GDAP1: variants seen among roughly 807,000 people sequenced by gnomAD.
GDAP1 encodes ganglioside induced differentiation associated protein 1, also known as ganglioside-induced differentiation-associated protein 1.
Under a neutral mutation model 40.1 loss-of-function variants are expected in GDAP1, and 34 were observed. The observed-to-expected ratio is 0.85, with a 90% CI of 0.64 to 1.13. GDAP1 has a LOEUF of 1.13. Ranked by LOEUF, GDAP1 falls within the 50% of genes most tolerant of loss-of-function variation. GDAP1 has a pLI of 0.00. For synonymous variants in GDAP1, 170 were observed against 157.4 expected (o/e 1.08, Z -0.60); for missense variants, 374 against 433.7 (o/e 0.86, Z 1.22).
chr8:74,364,441 G>C lies in GDAP1; in HGVS notation c.*74G>C. ...CCTGTGATTGCCCGTGGCTCTCTGA[G>C]TCTGTCTTATTGAGTAGTTAGCAGT... is the stretch of plus-strand genomic sequence containing the variant. On this transcript the variant is annotated 3_prime_UTR_variant, in exon 6 of 6. Transcript: ENST00000220822. The C allele has an allele frequency of 7.0e-7, 1 of 1,437,618 alleles. No homozygotes were observed. Among genetic ancestry groups the C allele is most frequent in the South Asian group, 1.1e-5 (1 of 87,440 alleles). 89.1% of individuals were successfully genotyped at this position (1,437,618 alleles called of 1,614,324 possible).
intron 2 of GDAP1, among the ~76,000 whole-genome samples, chr8:74,478,500 G>T (rs1317392737): frequency 1.3e-5 from 2 of 152,096 alleles, no homozygotes; most frequent in Non-Finnish European, 2.9e-5. Context: ...CTACCTGGAG[G>T]CTGCACCGCA....
chr8:74,374,314 A>G lies in GDAP1; in HGVS notation c.165+22993A>G, dbSNP rs113827363. 4.8e-3 allele frequency among the ~76,000 whole-genome samples: 729 copies of G among 152,300 alleles called. 6 individuals carry two copies. Among genetic ancestry groups the G allele is most frequent in the African/African-American group, 0.015 (635 of 41,554 alleles). On this transcript the variant is annotated intron_variant, in intron 2 of 2. Transcript: ENST00000523640. ...ATTCCCTTGTTTTCTATTGATTGGA[A>G]TAGTTTCAGAAGGAATGGTACCAGC...
At chr8:74,373,307 A>G (rs1809788189) in intron 2 of GDAP1, among the ~76,000 whole-genome samples, 2 of 152,224 alleles carry the variant, frequency 1.3e-5, no homozygotes, top group South Asian at 2.1e-4. Flanking sequence ...GTCATTGGTA[A>G]CTTGATGGGG....
chr8:74,411,512 A>G (rs1805709316), intron 2 of GDAP1, among the ~76,000 whole-genome samples: 1 of 140,894 alleles, frequency 7.1e-6, no homozygotes, highest in Non-Finnish European at 1.5e-5. Context: ...AGTATTTACT[A>G]TTTATTAAGC....
At chr8:74,367,260 T>A (rs937003288), downstream of GDAP1, among the ~76,000 whole-genome samples, 2 of 152,192 alleles carry the variant, frequency 1.3e-5, no homozygotes, top group East Asian at 3.8e-4. Flanking sequence ...TACTCATATT[T>A]ATGTATATTT....
intron 2 of GDAP1, among the ~76,000 whole-genome samples, chr8:74,378,933 G>A (rs62524069): frequency 0.27 from 40,902 of 152,058 alleles, 6,103 homozygotes; most frequent in Non-Finnish European, 0.34. Flanking sequence ...GGTTCTAGAA[G>A]TGGGCTTAGG....
In GDAP1 at chr8:74,366,042, A is replaced by G; in HGVS notation, c.*1675A>G. 4.4e-6 allele frequency: 2 copies of G among 449,616 alleles called. No individual in the cohort carries two copies. The highest frequency in any genetic ancestry group is 8.9e-6 in the Non-Finnish European group (2 of 225,664). 27.9% of individuals were successfully genotyped at this position (449,616 alleles called of 1,614,324 possible). On this transcript the variant is annotated 3_prime_UTR_variant, in exon 6 of 6. Coordinates refer to ENST00000220822, the MANE Select transcript of GDAP1 (RefSeq NM_018972.4). ...GAAGAAATAAGAATTGGATTTTTAT[A>G]AAAACCTCTGAAGGATATTTACCTA...
intron 2 of GDAP1, among the ~76,000 whole-genome samples, chr8:74,466,264 A>G (rs1230000413): frequency 1.3e-5 from 2 of 152,218 alleles, no homozygotes. Context: ...AAAGCACCCC[A>G]GGGAGTTCAC....
At chr8:74,446,149 A>AG (rs1806223708) in intron 2 of GDAP1, among the ~76,000 whole-genome samples, 1 of 152,270 alleles carries the variant, frequency 6.6e-6, no homozygotes. Flanking sequence ...CTGTGATCCA[A>AG]GTTGTGGATT....
chr8:74,475,489 T>C (rs1806617466), intron 2 of GDAP1, among the ~76,000 whole-genome samples: 1 of 152,240 alleles, frequency 6.6e-6, no homozygotes, highest in Non-Finnish European at 1.5e-5. Flanking sequence ...TGTATCTTTG[T>C]TCTCATTAGT....
rs561768694 is a variant in GDAP1 at position 74,375,132 on chromosome 8, G to A, written c.165+23811G>A. Among the ~76,000 whole-genome samples the A allele has an allele frequency of 8.5e-5, 13 of 152,240 alleles. No individual in the cohort carries two copies. The East Asian group carries it at 1.4e-3, about 16-fold the overall frequency. ...ACTTGAGGTTAGGAGTTGGAGACCA[G>A]CCTGGCCAACATGGTGAAACTCTGT... On this transcript the variant is annotated intron_variant, in intron 2 of 2. Coordinates refer to the GDAP1 transcript ENST00000523640.
chr8:74,363,835 C>A, intron 5 of GDAP1, 150 bp from the exon 6 acceptor site: 1 of 683,968 alleles, frequency 1.5e-6, no homozygotes, highest in East Asian at 2.7e-5. Flanking sequence ...AAATTATTCT[C>A]TGAGTGTGGC....
intron 2 of GDAP1, among the ~76,000 whole-genome samples, chr8:74,443,726 G>A (rs557149116): frequency 1.3e-5 from 2 of 152,202 alleles, no homozygotes; most frequent in Non-Finnish European, 2.9e-5. Context: ...GTTCAAGACC[G>A]TGAGTGACCA....
downstream of GDAP1, among the ~76,000 whole-genome samples, chr8:74,371,540 G>A (rs1809750277): frequency 6.6e-6 from 1 of 151,808 alleles, no homozygotes; most frequent in Non-Finnish European, 1.5e-5. Flanking sequence ...GGCGCCTGTA[G>A]TCCCAGCTAC....
At chr8:74,471,650 C>T (rs888017859) in intron 2 of GDAP1, among the ~76,000 whole-genome samples, 3 of 152,108 alleles carry the variant, frequency 2.0e-5, no homozygotes, top group African/African-American at 4.8e-5. Flanking sequence ...ATTTAATTTT[C>T]ATTACCCTGT....
chr8:74,396,838 C>T (rs1810208749), intron 2 of GDAP1, among the ~76,000 whole-genome samples: 1 of 152,152 alleles, frequency 6.6e-6, no homozygotes, highest in African/African-American at 2.4e-5. Flanking sequence ...GTCTTTATAG[C>T]AGCATGATTT....
intron 2 of GDAP1, among the ~76,000 whole-genome samples, chr8:74,469,033 C>T (rs187811386): frequency 5.3e-5 from 8 of 152,114 alleles, no homozygotes; most frequent in Admixed American, 5.2e-4. Context: ...ATTTTTTTCT[C>T]CTCAGATATA....
chr8:74,405,423 T>G (rs1805626315), intron 2 of GDAP1, among the ~76,000 whole-genome samples: 1 of 150,150 alleles, frequency 6.7e-6, no homozygotes, highest in Non-Finnish European at 1.5e-5. Context: ...ACGTGTTCAG[T>G]GTAGACAAAA....
chr8:74,384,725 A>G (rs1183130369), intron 2 of GDAP1, among the ~76,000 whole-genome samples: 1 of 152,204 alleles, frequency 6.6e-6, no homozygotes, highest in Non-Finnish European at 1.5e-5. Flanking sequence ...GCACTAAGTA[A>G]CACTGTAAGA....
Sources: allele counts gnomAD v4.1 joint callset (sites outside exome capture counted in the v4.1 genomes callset), GRCh38; gene constraint gnomAD v4.1.1; transcripts MANE v1.5; gene names NCBI Gene and HGNC (gene_info 2026-07-23, HGNC 2026-07-21).